The following PHKB variants were observed in gnomAD, a reference collection of about 807,000 sequenced individuals.
The protein encoded by PHKB is phosphorylase b kinase regulatory subunit beta.
A neutral mutation model predicts 152.1 loss-of-function variants in PHKB; 122 were observed. The ratio of observed to expected loss-of-function variants is 0.80; its 90% CI spans 0.69 to 0.93. PHKB has a LOEUF of 0.93. Among genes scored for constraint, PHKB ranks in the 40% least tolerant of loss-of-function variants. The pLI, the probability that PHKB is intolerant of heterozygous loss-of-function variation, is 0.00. For missense variants in PHKB, 1,304 were observed against 1,328.4 expected, an observed-to-expected ratio of 0.98 and a Z score of 0.29; for synonymous variants, 436 against 464.9, an observed-to-expected ratio of 0.94 and a Z score of 0.80.
chr16:47,499,981 G>T (rs1970298030), intron 3 of PHKB, 87 bp downstream of exon 3: 4 of 1,479,912 alleles, frequency 2.7e-6, no homozygotes, highest in Non-Finnish European at 3.8e-6. Flanking sequence ...CTATCTTTTG[G>T]CTCTGCTGCT....
chr16:47,567,120 T>A (rs1311244342), intron 7 of PHKB, among the ~76,000 whole-genome samples: 2 of 152,158 alleles, frequency 1.3e-5, no homozygotes, highest in African/African-American at 4.8e-5. Flanking sequence ...TTTTTCTAAA[T>A]CTGTGAAAAA....
At chr16:47,685,066 GTTCCTTCC>G (rs546125870) in intron 26 of PHKB, among the ~76,000 whole-genome samples, 3 of 152,068 alleles carry the variant, frequency 2.0e-5, no homozygotes, top group South Asian at 2.1e-4. Context: ...TCTGCCCTTT[GTTCCTTCC>G]TTCCTTCCTT....
At chr16:47,597,271 C>G (rs1972136422) in intron 13 of PHKB, among the ~76,000 whole-genome samples, 1 of 152,010 alleles carries the variant, frequency 6.6e-6, no homozygotes, top group South Asian at 2.1e-4. Context: ...GTATAAAATA[C>G]TGTTATGATT....
chr16:47,502,964 G>T (rs563392233), intron 3 of PHKB, 27 bp from the exon 4 acceptor site: 6 of 1,445,546 alleles, frequency 4.2e-6, no homozygotes, highest in Non-Finnish European at 5.8e-6. Context: ...TTTCCAATTA[G>T]TTTCATGAGT....
chr16:47,556,853 C>A (rs1971380114), intron 7 of PHKB, among the ~76,000 whole-genome samples: 1 of 152,136 alleles, frequency 6.6e-6, no homozygotes, highest in African/African-American at 2.4e-5. Flanking sequence ...GGTACCAGCT[C>A]CTCCTTGTAC....
intron 14 of PHKB, 77 bp from the exon 15 acceptor site, chr16:47,640,958 T>C (rs1973008030): frequency 7.6e-7 from 1 of 1,317,056 alleles, no homozygotes; most frequent in Non-Finnish European, 1.1e-6. Context: ...TGGTTAATAT[T>C]GTCCTTGTTT....
chr16:47,463,784 TCA>T (rs1969618061), intron 1 of PHKB: 1 of 685,494 alleles, frequency 1.5e-6, no homozygotes, highest in African/African-American at 1.8e-5. Flanking sequence ...ATAATGATCC[TCA>T]GTTACTGCCT....
intron 5 of PHKB, among the ~76,000 whole-genome samples, chr16:47,514,059 T>C (rs1970554695): frequency 1.3e-5 from 2 of 152,228 alleles, no homozygotes; most frequent in Admixed American, 1.3e-4. Flanking sequence ...CAACCAGTCT[T>C]TCTGTCCCTG....
Position 47,668,892 on chromosome 16 carries a change from G to A in PHKB, c.2428-323G>A, listed in dbSNP as rs17739990. Among the ~76,000 whole-genome samples the A allele has an allele frequency of 5.2e-3, 785 of 152,114 alleles. 2 individuals are homozygous for A. The highest frequency in any genetic ancestry group is 7.6e-3 in the Non-Finnish European group (515 of 67,994). On this transcript the variant is annotated intron_variant, in intron 25 of 30. Coordinates refer to ENST00000323584, the MANE Select transcript of PHKB (RefSeq NM_000293.3). ...CTTCAACCTATTCTGGTTTCTCTGG[G>A]GAGTTTCTAGTACTAAAGTCATTCA...
chr16:47,642,895 G>C (rs1230132289), intron 16 of PHKB, among the ~76,000 whole-genome samples: 1 of 152,146 alleles, frequency 6.6e-6, no homozygotes, highest in Non-Finnish European at 1.5e-5. Flanking sequence ...ACAAGGCAAG[G>C]AGCGGAGGCA....
chr16:47,577,750 A>T (rs1971774235), intron 7 of PHKB, among the ~76,000 whole-genome samples: 1 of 152,098 alleles, frequency 6.6e-6, no homozygotes, highest in African/African-American at 2.4e-5. Context: ...CCCTATAGGT[A>T]ATGTGTTATC....
At chr16:47,578,289 C>A (rs1416002487) in intron 7 of PHKB, among the ~76,000 whole-genome samples, 1 of 152,136 alleles carries the variant, frequency 6.6e-6, no homozygotes, top group African/African-American at 2.4e-5. Flanking sequence ...ATAATTCTAA[C>A]AACTCTTTCT....
chr16:47,528,562 T>G (rs1970804730), intron 6 of PHKB, among the ~76,000 whole-genome samples: 1 of 152,294 alleles, frequency 6.6e-6, no homozygotes, highest in East Asian at 1.9e-4. Context: ...ATTTTTTTTT[T>G]TCGTGTATTC....
At chr16:47,573,537 A>G (rs1971698765) in intron 7 of PHKB, among the ~76,000 whole-genome samples, 1 of 152,168 alleles carries the variant, frequency 6.6e-6, no homozygotes. Flanking sequence ...TTCTTAACAC[A>G]TTGGGTCTCA....
intron 6 of PHKB, among the ~76,000 whole-genome samples, chr16:47,518,690 A>G (rs1357884601): frequency 1.3e-5 from 2 of 152,192 alleles, no homozygotes; most frequent in Non-Finnish European, 2.9e-5. Flanking sequence ...AAACTTTGAA[A>G]AAGACAAAGT....
At chr16:47,596,735 A>G (rs1209811974) in intron 13 of PHKB, among the ~76,000 whole-genome samples, 1 of 152,112 alleles carries the variant, frequency 6.6e-6, no homozygotes, top group African/African-American at 2.4e-5. Context: ...AGAAAGCGAA[A>G]TAGGTATGGG....
intron 12 of PHKB, among the ~76,000 whole-genome samples, chr16:47,595,122 T>G (rs1972095767): frequency 6.6e-6 from 1 of 152,226 alleles, no homozygotes; most frequent in Admixed American, 6.5e-5. Flanking sequence ...TGTATTAAAT[T>G]TTGTAATGCA....
At chr16:47,515,052 A>G (rs939891439) in intron 5 of PHKB, among the ~76,000 whole-genome samples, 1 of 152,190 alleles carries the variant, frequency 6.6e-6, no homozygotes, top group Non-Finnish European at 1.5e-5. Flanking sequence ...GCATCATCAT[A>G]GTGTCTTGCT....
chr16:47,652,932 T>C (rs1973264907), intron 20 of PHKB, among the ~76,000 whole-genome samples: 1 of 152,138 alleles, frequency 6.6e-6, no homozygotes, highest in South Asian at 2.1e-4. Context: ...CATAAGCCAC[T>C]GCAACCAACC....
Sources: allele counts gnomAD v4.1 joint callset (sites outside exome capture counted in the v4.1 genomes callset), GRCh38; gene constraint gnomAD v4.1.1; transcripts MANE v1.5; gene names NCBI Gene and HGNC (gene_info 2026-07-23, HGNC 2026-07-21).